The following NNT variants were observed in gnomAD, a reference collection of about 807,000 sequenced individuals.
The protein encoded by NNT is NAD(P) transhydrogenase, mitochondrial.
NNT carries 50 observed loss-of-function variants against 104.8 expected under a neutral mutation model. The observed-to-expected ratio is 0.48, with a 90% CI of 0.38 to 0.60. NNT has a LOEUF of 0.60. Among genes scored for constraint, NNT ranks in the 20% least tolerant of loss-of-function variants. The pLI is 0.00. For synonymous variants in NNT, 461 were observed against 490.4 expected, an observed-to-expected ratio of 0.94 and a Z score of 0.79; for missense variants, 1,131 against 1,330.7, an observed-to-expected ratio of 0.85 and a Z score of 2.33.
intron 7 of NNT, among the ~76,000 whole-genome samples, chr5:43,636,372 G>A (rs2111763072): frequency 6.6e-6 from 1 of 152,232 alleles, no homozygotes; most frequent in South Asian, 2.1e-4. Context: ...TACATAACCA[G>A]TATTTATTGG....
chr5:43,661,534 A>G (rs1386278844), intron 17 of NNT, among the ~76,000 whole-genome samples: 1 of 148,520 alleles, frequency 6.7e-6, no homozygotes, highest in East Asian at 2.0e-4. Context: ...AGCATTAGGT[A>G]TATCTCCCAA....
At chr5:43,661,760 A>G (rs962416104) in intron 17 of NNT, among the ~76,000 whole-genome samples, 14 of 151,848 alleles carry the variant, frequency 9.2e-5, no homozygotes, top group African/African-American at 3.4e-4. Flanking sequence ...TTATGGCTGC[A>G]TAGTATTCCA....
At chr5:43,609,093 C>T (rs966744630) in intron 1 of NNT, 50 bp from the exon 2 acceptor site, 3 of 841,238 alleles carry the variant, frequency 3.6e-6, no homozygotes, top group African/African-American at 1.7e-5. Context: ...GTTTAAAAGA[C>T]AAATAGTTTT....
intron 10 of NNT, among the ~76,000 whole-genome samples, chr5:43,647,757 A>G (rs1322885121): frequency 1.3e-5 from 2 of 152,246 alleles, no homozygotes; most frequent in Admixed American, 6.5e-5. Flanking sequence ...GATGCCTAAC[A>G]CAAAAGACTG....
rs1414988198 is a variant in NNT, at chr5:43,706,374, G to A, written c.*1970G>A. 3 of 150,970 alleles carry A rather than the reference G, an allele frequency of 2.0e-5. No individual in the cohort carries two copies. Among genetic ancestry groups the A allele is most frequent in the African/African-American group, 7.3e-5 (3 of 41,154 alleles). 9.4% of individuals were successfully genotyped at this position (150,970 alleles called of 1,614,324 possible). On this transcript the variant is annotated 3_prime_UTR_variant, in exon 22 of 22. Coordinates refer to ENST00000344920, the MANE Select transcript of NNT (RefSeq NM_182977.3). ...AATAAGTCATACAATTGGTAGATATGACTTATTTTATTTTTGTATTATTCA... is the reference window on the plus strand; with the variant it reads ...AATAAGTCATACAATTGGTAGATATAACTTATTTTATTTTTGTATTATTCA...
intron 19 of NNT, among the ~76,000 whole-genome samples, chr5:43,682,503 A>G (rs901356460): frequency 6.6e-6 from 1 of 151,984 alleles, no homozygotes; most frequent in Non-Finnish European, 1.5e-5. Context: ...GAGCCACCAC[A>G]CTCAGGCAGG....
intron 19 of NNT, among the ~76,000 whole-genome samples, chr5:43,680,856 T>A (rs1046158194): frequency 3.9e-5 from 6 of 152,196 alleles, no homozygotes; most frequent in Middle Eastern, 6.8e-3. Flanking sequence ...TCTAAAAGGA[T>A]TTTATGACAA....
chr5:43,659,105 T>C (rs1222749230), intron 16 of NNT, 66 bp from the exon 17 acceptor site: 1 of 1,431,330 alleles, frequency 7.0e-7, no homozygotes, highest in South Asian at 1.4e-5. Context: ...AGGAGCAAAA[T>C]GTTAAATGTC....
At chr5:43,607,249 C>T (rs1749272997) in intron 1 of NNT, among the ~76,000 whole-genome samples, 3 of 152,190 alleles carry the variant, frequency 2.0e-5, no homozygotes, top group Admixed American at 2.0e-4. Context: ...AACTGAAGAA[C>T]CACAAAAGAA....
chr5:43,617,453 C>T lies in NNT; in HGVS notation c.599+1388C>T, dbSNP rs139298296. Among the ~76,000 whole-genome samples, 57 of 152,258 alleles carry T rather than the reference C, an allele frequency of 3.7e-4. 2 individuals carry two copies. The highest frequency in any genetic ancestry group is 6.6e-4 in the Non-Finnish European group (45 of 68,012). ...CCAGGGATCACAATTTGAGGAATCA[C>T]TCTTCTATGTCCTGAGCTGATATAT... On this transcript the variant is annotated intron_variant, in intron 4 of 21. Transcript: ENST00000344920.
In NNT at chr5:43,646,446, C is replaced by T. The variant is rs138575378; in HGVS notation, c.1444+936C>T. Among the ~76,000 whole-genome samples the T allele has an allele frequency of 6.0e-3, 913 of 151,532 alleles. 6 individuals carry two copies. Among genetic ancestry groups the T allele is most frequent in the African/African-American group, 0.02 (824 of 41,284 alleles). On this transcript the variant is annotated intron_variant, in intron 10 of 21. Coordinates refer to ENST00000344920, the MANE Select transcript of NNT (RefSeq NM_182977.3). ...CTGGGACTACAGGCGCATGCCACCACGCCCAGCTAATTTTTGTATTTTTTT... is the reference window on the plus strand; with the variant it reads ...CTGGGACTACAGGCGCATGCCACCATGCCCAGCTAATTTTTGTATTTTTTT...
At chr5:43,699,765 T>C (rs989306696) in intron 19 of NNT, among the ~76,000 whole-genome samples, 2 of 152,216 alleles carry the variant, frequency 1.3e-5, no homozygotes, top group African/African-American at 4.8e-5. Flanking sequence ...TAAATAGGTT[T>C]TTAAAGATTC....
intron 19 of NNT, among the ~76,000 whole-genome samples, chr5:43,687,972 A>G (rs1203104126): frequency 6.6e-6 from 1 of 152,212 alleles, no homozygotes; most frequent in African/African-American, 2.4e-5. Flanking sequence ...GCTAGAATCA[A>G]GGAAGGATAT....
chr5:43,677,198 T>C (rs1741459178), intron 18 of NNT, among the ~76,000 whole-genome samples: 1 of 151,996 alleles, frequency 6.6e-6, no homozygotes, highest in African/African-American at 2.4e-5. Context: ...AATCATCAGA[T>C]GGTTGTTGAA....
intron 20 of NNT, among the ~76,000 whole-genome samples, chr5:43,700,907 CA>C: frequency 6.6e-6 from 1 of 152,244 alleles, no homozygotes; most frequent in South Asian, 2.1e-4. Context: ...ATTCACATAG[CA>C]TTTTTTTGGC....
intron 7 of NNT, among the ~76,000 whole-genome samples, chr5:43,630,728 A>G (rs1482037112): frequency 6.6e-6 from 1 of 152,184 alleles, no homozygotes; most frequent in Non-Finnish European, 1.5e-5. Flanking sequence ...TCCACCTTTT[A>G]TAGTCTCACC....
At chr5:43,614,608 G>A (rs962129872) in intron 3 of NNT, among the ~76,000 whole-genome samples, 2 of 152,116 alleles carry the variant, frequency 1.3e-5, no homozygotes, top group Non-Finnish European at 2.9e-5. Context: ...AGCAGACAAA[G>A]GTGTCTCATA....
intron 19 of NNT, among the ~76,000 whole-genome samples, chr5:43,696,642 G>A (rs543898002): frequency 1.5e-4 from 23 of 152,310 alleles, no homozygotes; most frequent in Admixed American, 8.5e-4. Flanking sequence ...CCCCACCCCC[G>A]TGGCAGACTT....
At chr5:43,648,153 G>T in intron 10 of NNT, 1 of 1,126,328 alleles carries the variant, frequency 8.9e-7, no homozygotes, top group South Asian at 2.1e-5. Context: ...AATGGGCTAT[G>T]CACTGGAACT....
Sources: allele counts gnomAD v4.1 joint callset (sites outside exome capture counted in the v4.1 genomes callset), GRCh38; gene constraint gnomAD v4.1.1; transcripts MANE v1.5; gene names NCBI Gene and HGNC (gene_info 2026-07-23, HGNC 2026-07-21).